UBE2O: variants seen among roughly 807,000 people sequenced by gnomAD.
UBE2O encodes the protein (E3-independent) E2 ubiquitin-conjugating enzyme.
UBE2O carries 15 observed loss-of-function variants against 125.8 expected under a neutral mutation model. The ratio of observed to expected loss-of-function variants is 0.12; its 90% CI spans 0.08 to 0.18. The LOEUF (loss-of-function observed/expected upper bound fraction) is 0.18, where lower values mean the gene tolerates loss of function less well. UBE2O is among the 10% of genes least tolerant of loss of function. UBE2O has a pLI of 1.00. For synonymous variants in UBE2O, 708 were observed against 703.2 expected (o/e 1.01, Z -0.11); for missense variants, 1,280 against 1,723.6 (o/e 0.74, Z 4.56).
intron 1 of UBE2O, among the ~76,000 whole-genome samples, chr17:76,409,544 C>G (rs2072482907): frequency 6.6e-6 from 1 of 152,108 alleles, no homozygotes; most frequent in Admixed American, 6.5e-5. Context: ...TACAGGCATG[C>G]ACAACCATGC....
chr17:76,448,893 G>C (rs1004388805), intron 1 of UBE2O, among the ~76,000 whole-genome samples: 1 of 152,254 alleles, frequency 6.6e-6, no homozygotes, highest in Non-Finnish European at 1.5e-5. Flanking sequence ...CCTCTAAGGA[G>C]ATCCATGGCC....
At chr17:76,421,050 T>G (rs1231156344) in intron 1 of UBE2O, among the ~76,000 whole-genome samples, 1 of 152,168 alleles carries the variant, frequency 6.6e-6, no homozygotes, top group Non-Finnish European at 1.5e-5. Context: ...TGGGCTGAGT[T>G]CCTGGTAAAA....
chr17:76,412,390 C>G (rs1342608573), intron 1 of UBE2O, among the ~76,000 whole-genome samples: 2 of 152,186 alleles, frequency 1.3e-5, no homozygotes, highest in Non-Finnish European at 2.9e-5. Context: ...ACTCCTCCAC[C>G]CCCTCCCTGA....
At chr17:76,418,860 C>T (rs964138425) in intron 1 of UBE2O, among the ~76,000 whole-genome samples, 8 of 152,120 alleles carry the variant, frequency 5.3e-5, no homozygotes, top group Admixed American at 5.2e-4. Context: ...TGAGCCACCG[C>T]GCCTGTCCGG....
chr17:76,444,000 C>T (rs2073116112), intron 1 of UBE2O, among the ~76,000 whole-genome samples: 1 of 152,216 alleles, frequency 6.6e-6, no homozygotes, highest in Non-Finnish European at 1.5e-5. Context: ...GCGGATGGAT[C>T]ACCTGAGGTC....
intron 1 of UBE2O, among the ~76,000 whole-genome samples, chr17:76,415,879 A>G (rs184928905): frequency 5.9e-5 from 9 of 152,092 alleles, no homozygotes; most frequent in Admixed American, 5.2e-4. Context: ...GTATATACAA[A>G]TATATGTACA....
At position 76,391,175 on chromosome 17, in the gene UBE2O, G is replaced by A. The variant is rs1357128254; in HGVS notation, c.3647C>T (p.Thr1216Ile). 2.5e-6 allele frequency: 4 copies of A among 1,613,384 alleles called. No individual in the cohort carries two copies. The highest frequency in any genetic ancestry group is 3.3e-5 in the Admixed American group (2 of 59,950). Residue 1216 changes from threonine (T) to isoleucine (I), a missense_variant, in exon 18 of 18, where the codon ACA (threonine) becomes ATA (isoleucine). By Grantham distance (89) the Thr-to-Ile change is moderately conservative. Transcript: ENST00000319380. This position sits in a 1 kb window ranked among gnomAD's most constrained non-coding sequence, Gnocchi z 8.4. ...TGGTGCGGTCTCCGAAGTCTGGTCTGTGTGGTCCCTGCTAGCTGAGGCCAG... is the reference window on the plus strand; with the variant it reads ...TGGTGCGGTCTCCGAAGTCTGGTCTATGTGGTCCCTGCTAGCTGAGGCCAG... ...QGLASASRDHTDQTSETAPDA... is the reference protein window; with the variant it reads ...QGLASASRDHIDQTSETAPDA...
rs546555056 is a variant in UBE2O, at chr17:76,399,863, T to C, written c.1214A>G (p.Gln405Arg). The change falls in exon 9 of 18, where the codon CAG becomes CGG. Residue 405 changes from glutamine (Q) to arginine (R), a missense_variant. This residue lies in a region of UBE2O where 141 missense variants were observed against 141.3 expected (regional missense o/e 1.00). Transcript: ENST00000319380. The surrounding 1 kb of genome is among the most constrained non-coding windows in gnomAD (Gnocchi z 6.9). ...VRIMSCSPDT[Q>R]CSRDHSMEDP... Reference sequence around the variant, plus strand: ...TTCCATGGAATGGTCCCGGGAACACTGGGTGTCTGGGGAGCATGACATGAT... The same window carrying C: ...TTCCATGGAATGGTCCCGGGAACACCGGGTGTCTGGGGAGCATGACATGAT... 14 of 1,613,772 alleles carry C rather than the reference T, an allele frequency of 8.7e-6. No homozygotes were observed. The Admixed American group carries it at 2.3e-4, about 27-fold the overall frequency.
rs757460590 is a variant in UBE2O at position 76,398,284 on chromosome 17, C to T, written c.1996G>A (p.Glu666Lys). Residue 666 changes from glutamate (E) to lysine (K), a missense_variant, in exon 12 of 18, where the codon GAG becomes AAG. Physicochemically the swap from Glu to Lys is moderately conservative, Grantham distance 56. This residue lies in a region of UBE2O where 210 missense variants were observed against 268.9 expected (regional missense o/e 0.78). Transcript: ENST00000319380. This position sits in a 1 kb window ranked among gnomAD's most constrained non-coding sequence, Gnocchi z 5.4. ...TDIVIRIGNTEDGAPHKEDEP... is the reference protein window; with the variant it reads ...TDIVIRIGNTKDGAPHKEDEP... ...TCCTCCTTGTGAGGAGCCCCATCCT[C>T]AGTATTGCCGATGCGGATGACGATG... is the stretch of plus-strand genomic sequence containing the variant. 4 of 1,614,202 alleles carry T rather than the reference C, an allele frequency of 2.5e-6. No individual in the cohort carries two copies. Among genetic ancestry groups the T allele is most frequent in the Non-Finnish European group, 3.4e-6 (4 of 1,180,044 alleles).
At position 76,399,000 on chromosome 17, in the gene UBE2O, G is replaced by A. The variant is rs146639833; in HGVS notation, c.1629-9C>T. On this transcript the variant is annotated splice_polypyrimidine_tract_variant and intron_variant, in intron 9 of 17. Transcript: ENST00000319380. The surrounding 1 kb of genome is among the most constrained non-coding windows in gnomAD (Gnocchi z 5.4). ...CCACCTCCACTGCCACCCTGCGGGT[G>A]CAGGCCAGTCAGCAGGCCATGCAAA... 5.8e-5 allele frequency: 93 copies of A among 1,613,130 alleles called. 1 individual carries two copies. In the East Asian group the frequency reaches 1.9e-3, roughly 33 times the overall value.
rs1428708816 is a variant in UBE2O, at chr17:76,396,066, T to C, written c.2809+62A>G. 1 of 1,568,994 alleles carries C rather than the reference T, an allele frequency of 6.4e-7. No individual in the cohort carries two copies. The highest frequency in any genetic ancestry group is 2.3e-5 in the East Asian group (1 of 44,424). ...CTAACCACCCTGCACCCAGATCTGG[T>C]GACACAAACAGGAGCCCCGAGAAGG... On this transcript the variant is annotated intron_variant, in intron 14 of 17. Coordinates refer to ENST00000319380, the MANE Select transcript of UBE2O (RefSeq NM_022066.4). This position sits in a 1 kb window ranked among gnomAD's most constrained non-coding sequence, Gnocchi z 6.7.
At chr17:76,397,987 T>C in intron 12 of UBE2O, 99 bp from the exon 13 acceptor site, 1 of 1,349,620 alleles carries the variant, frequency 7.4e-7, no homozygotes, top group Non-Finnish European at 1.0e-6. Context: ...CCCACCTGGC[T>C]TGTGACAAGG....
At chr17:76,414,801 T>C (rs1472717294) in intron 1 of UBE2O, among the ~76,000 whole-genome samples, 1 of 152,132 alleles carries the variant, frequency 6.6e-6, no homozygotes, top group Non-Finnish European at 1.5e-5. Flanking sequence ...AAGCAATATG[T>C]GCACTTGGCG....
chr17:76,448,354 T>C (rs2073182419), intron 1 of UBE2O, among the ~76,000 whole-genome samples: 1 of 152,170 alleles, frequency 6.6e-6, no homozygotes, highest in African/African-American at 2.4e-5. Flanking sequence ...CTAAGAACAA[T>C]TGCTTTTAAT....
intron 1 of UBE2O, among the ~76,000 whole-genome samples, chr17:76,423,732 T>TAAATAAAAAAAAAAAAAA (rs2072750091): frequency 1.4e-5 from 1 of 73,724 alleles, no homozygotes; most frequent in African/African-American, 5.4e-5. Context: ...AAATAAAAAA[T>TAAATAAAAAAAAAAAAAA]AAGGTCAGGC....
intron 15 of UBE2O, among the ~76,000 whole-genome samples, chr17:76,394,954 C>T (rs375363695): frequency 2.0e-5 from 3 of 151,820 alleles, no homozygotes; most frequent in East Asian, 3.9e-4. Context: ...TGGCTCACTA[C>T]AACCTCTGCC....
In UBE2O at chr17:76,396,895, G is replaced by A; in HGVS notation, c.2116-74C>T. On this transcript the variant is annotated intron_variant, in intron 13 of 17. Transcript: ENST00000319380. This position sits in a 1 kb window ranked among gnomAD's most constrained non-coding sequence, Gnocchi z 6.7. ...CCCACCACTAAGGAGGAGCTCTGGG[G>A]ATCCCTGATCCGCACAGCTGATGGC... The A allele has an allele frequency of 7.5e-7, 1 of 1,333,318 alleles. No individual in the cohort carries two copies. The allele number at this position is 1,333,318 out of a possible 1,614,324, so 82.6% of individuals were successfully genotyped here. A position where few individuals can be genotyped will look rare whatever the true frequency, so the allele number is the denominator to read the frequency against.
chr17:76,450,633 T>C (rs1250351256), intron 1 of UBE2O, among the ~76,000 whole-genome samples: 2 of 151,962 alleles, frequency 1.3e-5, no homozygotes, highest in Non-Finnish European at 2.9e-5. Flanking sequence ...TTTTTTCTTT[T>C]CTTTTGAGAC....
chr17:76,424,207 C>CT lies in UBE2O; in HGVS notation c.418-18636dup, dbSNP rs569775028. Among the ~76,000 whole-genome samples the CT allele has an allele frequency of 8.7e-3, 914 of 105,310 alleles. 29 individuals are homozygous for CT. The highest frequency in any genetic ancestry group is 0.019 in the African/African-American group (545 of 28,494). The allele number at this position is 105,310 out of a possible 152,430, so 69.1% of individuals were successfully genotyped here. ...ACAGGCGTGAGCCACCGCGCCCGGC[C>CT]TTTTTTTTTTTTTTTTTTGAGACAG... is the stretch of plus-strand genomic sequence containing the variant. On this transcript the variant is annotated intron_variant, in intron 1 of 17. Coordinates refer to ENST00000319380, the MANE Select transcript of UBE2O (RefSeq NM_022066.4).
Sources: allele counts gnomAD v4.1 joint callset (sites outside exome capture counted in the v4.1 genomes callset), GRCh38; gene constraint gnomAD v4.1.1; regional missense constraint gnomAD v4.1.1; non-coding constraint Gnocchi (gnomAD v3.1); transcripts MANE v1.5; gene names NCBI Gene and HGNC (gene_info 2026-07-23, HGNC 2026-07-21).